Variants in MGST2 observed in about 807,000 individuals in gnomAD.
MGST2 encodes microsomal glutathione S-transferase 2.
A neutral mutation model predicts 16.6 loss-of-function variants in MGST2; 9 were observed. The observed-to-expected ratio is 0.54, with a 90% confidence interval of 0.33 to 0.95. The LOEUF (loss-of-function observed/expected upper bound fraction) is 0.95. Ranked by LOEUF, MGST2 falls within the 40% of genes least tolerant of loss-of-function variation. MGST2 has a pLI of 0.03. For missense variants in MGST2, 159 were observed against 175.1 expected (o/e 0.91, Z 0.52); for synonymous variants, 79 against 68.0 (o/e 1.16, Z -0.79).
At chr4:139,705,819 C>T (rs931055637), downstream of MGST2, 11 of 152,038 alleles carry the variant, frequency 7.2e-5, no homozygotes, top group African/African-American at 2.4e-4. Flanking sequence ...GGAAGTACAG[C>T]GGAACCCCCA....
rs556784667 is a variant in MGST2 at position 139,693,794 on chromosome 4, T to C, written c.159-1403T>C. On this transcript the variant is annotated intron_variant, in intron 2 of 4. Transcript: ENST00000265498. Reference sequence around the variant, plus strand: ...CTTGGGTCACCAGTGGCCTTTTGGGTGGTAATGGCCACAGTCCAAAAAGGA... The same window carrying C: ...CTTGGGTCACCAGTGGCCTTTTGGGCGGTAATGGCCACAGTCCAAAAAGGA... Among the ~76,000 whole-genome samples, 10 of 152,284 alleles carry C rather than the reference T, an allele frequency of 6.6e-5. No individual in the cohort carries two copies. In the South Asian group the frequency reaches 1.9e-3, roughly 28 times the overall value.
intron 5 of MGST2, among the ~76,000 whole-genome samples, chr4:139,711,803 C>A (rs1727754022): frequency 6.6e-6 from 1 of 152,178 alleles, no homozygotes; most frequent in African/African-American, 2.4e-5. Flanking sequence ...ACATTTCCCC[C>A]CTTTCTTTTA....
intron 5 of MGST2, among the ~76,000 whole-genome samples, chr4:139,725,447 A>T (rs1381203235): frequency 6.6e-6 from 1 of 152,178 alleles, no homozygotes; most frequent in Non-Finnish European, 1.5e-5. Context: ...TTAAACTATT[A>T]CAATACTATG....
chr4:139,672,491 G>T (rs1289655244), intron 1 of MGST2, among the ~76,000 whole-genome samples: 4 of 152,100 alleles, frequency 2.6e-5, no homozygotes, highest in East Asian at 1.9e-4. Flanking sequence ...GAGACAGTCA[G>T]GGCCCATCTG....
At chr4:139,693,241 T>C (rs1021701911) in intron 2 of MGST2, among the ~76,000 whole-genome samples, 7 of 151,656 alleles carry the variant, frequency 4.6e-5, no homozygotes, top group African/African-American at 7.3e-5. Context: ...CCGTCTCTAC[T>C]AAAAATACAA....
At chr4:139,743,592 G>T (rs753048121), downstream of MGST2, among the ~76,000 whole-genome samples, 1 of 152,170 alleles carries the variant, frequency 6.6e-6, no homozygotes, top group Non-Finnish European at 1.5e-5. Context: ...GAGTGGAGGA[G>T]GGGTGAGTGG....
At chr4:139,726,046 C>T (rs1728461609) in intron 5 of MGST2, among the ~76,000 whole-genome samples, 1 of 152,346 alleles carries the variant, frequency 6.6e-6, no homozygotes, top group South Asian at 2.1e-4. Context: ...CCAGCCCCCA[C>T]ATCAAGAAAC....
chr4:139,740,796 T>TGGAG (rs981447227), downstream of MGST2: 1 of 152,480 alleles, frequency 6.6e-6, no homozygotes, highest in African/African-American at 2.4e-5. Flanking sequence ...GGGCATGCTG[T>TGGAG]GGAGGGAAGG....
intron 5 of MGST2, among the ~76,000 whole-genome samples, chr4:139,729,692 C>T (rs1448941674): frequency 6.6e-6 from 1 of 152,178 alleles, no homozygotes; most frequent in East Asian, 1.9e-4. Context: ...ATGGGCATCT[C>T]TAAAAACAAA....
chr4:139,744,813 G>A (rs758760131), downstream of MGST2, among the ~76,000 whole-genome samples: 21 of 152,212 alleles, frequency 1.4e-4, no homozygotes, highest in African/African-American at 3.6e-4. Context: ...GCTGTGTGGC[G>A]TGTGTTCTGT....
the MGST2 span, among the ~76,000 whole-genome samples, chr4:139,747,714 C>G: frequency 5.4e-5 from 8 of 148,844 alleles, no homozygotes; most frequent in Non-Finnish European, 1.0e-4. Flanking sequence ...AAAAAAAATT[C>G]CTTGCACACA....
intron 5 of MGST2, among the ~76,000 whole-genome samples, chr4:139,734,327 G>GAT (rs1202319226): frequency 1.3e-5 from 2 of 152,210 alleles, no homozygotes; most frequent in Admixed American, 6.5e-5. Flanking sequence ...CGTCATGCGA[G>GAT]ATGTAATGCC....
intron 2 of MGST2, among the ~76,000 whole-genome samples, chr4:139,684,683 T>C (rs1731455592): frequency 6.6e-6 from 1 of 152,164 alleles, no homozygotes; most frequent in Admixed American, 6.5e-5. Flanking sequence ...TAAACCTCCT[T>C]CAGGGGTTGA....
At chr4:139,719,563 T>G (rs1728143212) in intron 5 of MGST2, 1 of 1,613,672 alleles carries the variant, frequency 6.2e-7, no homozygotes, top group Non-Finnish European at 8.5e-7. Flanking sequence ...GGCTGAACGC[T>G]GGCATGCCTG....
At chr4:139,749,223 T>C in the MGST2 span, among the ~76,000 whole-genome samples, 11 of 152,358 alleles carry the variant, frequency 7.2e-5, no homozygotes, top group Non-Finnish European at 1.3e-4. Flanking sequence ...GCCAAGTTCA[T>C]ATTTGACCTA....
chr4:139,685,771 C>G (rs1451477466), intron 2 of MGST2, among the ~76,000 whole-genome samples: 1 of 152,254 alleles, frequency 6.6e-6, no homozygotes, highest in Non-Finnish European at 1.5e-5. Flanking sequence ...TCAAGCGATT[C>G]TCTTGCCTCA....
chr4:139,669,473 G>A (rs750642128), intron 1 of MGST2, among the ~76,000 whole-genome samples: 7 of 152,198 alleles, frequency 4.6e-5, no homozygotes, highest in Non-Finnish European at 8.8e-5. Flanking sequence ...GCCCTTCAAT[G>A]TTACCATCAA....
chr4:139,669,890 T>C (rs1171053066), intron 1 of MGST2, among the ~76,000 whole-genome samples: 1 of 152,152 alleles, frequency 6.6e-6, no homozygotes, highest in Admixed American at 6.5e-5. Flanking sequence ...AGTAAACAAT[T>C]ATTAGGGAGA....
At chr4:139,689,235 G>A (rs1426335782) in intron 2 of MGST2, among the ~76,000 whole-genome samples, 1 of 152,050 alleles carries the variant, frequency 6.6e-6, no homozygotes, top group African/African-American at 2.4e-5. Context: ...AGATTCTCCA[G>A]GTGGTCAGGG....
Sources: allele counts gnomAD v4.1 joint callset (sites outside exome capture counted in the v4.1 genomes callset), GRCh38; gene constraint gnomAD v4.1.1; transcripts MANE v1.5; gene names NCBI Gene and HGNC (gene_info 2026-07-23, HGNC 2026-07-21).